Variants in KIAA0586 observed in about 807,000 individuals in gnomAD.
The protein encoded by KIAA0586 is protein TALPID3.
A neutral mutation model predicts 169.8 loss-of-function variants in KIAA0586; 144 were observed. That is an observed-to-expected ratio of 0.85 (90% confidence interval 0.74 to 0.97). KIAA0586 has a LOEUF of 0.97. Among genes scored for constraint, KIAA0586 ranks in the 50% least tolerant of loss-of-function variants. KIAA0586 has a pLI of 0.00. For synonymous variants in KIAA0586, 625 were observed against 612.4 expected (o/e 1.02, Z -0.30); for missense variants, 1,854 against 1,823.0 (o/e 1.02, Z -0.31).
chr14:58,552,837 T>A (rs1347761399), downstream of KIAA0586, among the ~76,000 whole-genome samples: 5 of 152,334 alleles, frequency 3.3e-5, no homozygotes, highest in African/African-American at 1.2e-4. Context: ...TGTAAAGAGT[T>A]GAAAGTGTAT....
chr14:58,455,032 T>A (rs540884583), intron 9 of KIAA0586, among the ~76,000 whole-genome samples: 1 of 152,298 alleles, frequency 6.6e-6, no homozygotes, highest in South Asian at 2.1e-4. Context: ...CTTTCCCCAA[T>A]TATCCTCATA....
chr14:58,493,201 T>G (rs1285114322), intron 26 of KIAA0586, among the ~76,000 whole-genome samples: 1 of 152,048 alleles, frequency 6.6e-6, no homozygotes, highest in African/African-American at 2.4e-5. Flanking sequence ...TTGACAGTAA[T>G]TGGTCATTGG....
chr14:58,512,722 C>G, intron 29 of KIAA0586, 95 bp downstream of exon 29: 1 of 683,992 alleles, frequency 1.5e-6, no homozygotes, highest in Non-Finnish European at 2.4e-6. Context: ...CATCCCACTG[C>G]TCTCTAGGTT....
rs909904459 is a variant in KIAA0586 at position 58,464,326 on chromosome 14, A to G, written c.2060-1509A>G. On this transcript the variant is annotated intron_variant, in intron 14 of 30. Transcript: ENST00000652326. ...CTATATAGTTAGTTTATAAAGGTTT[A>G]TCCCCCAGTTTCTTGAATGTGGTAT... Among the ~76,000 whole-genome samples the G allele has an allele frequency of 1.2e-4, 18 of 148,960 alleles. 1 individual carries two copies. The highest frequency in any genetic ancestry group is 4.2e-4 in the African/African-American group (17 of 40,498).
At position 58,439,933 on chromosome 14, in the gene KIAA0586, A is replaced by T. The variant is rs1328109371; in HGVS notation, c.411-2773A>T. 2.4e-5 allele frequency: 12 copies of T among 498,884 alleles called. No homozygotes were observed. The South Asian group carries it at 5.6e-4, about 23-fold the overall frequency. 30.9% of individuals were successfully genotyped at this position (498,884 alleles called of 1,614,324 possible). On this transcript the variant is annotated intron_variant, in intron 4 of 30. Coordinates refer to ENST00000652326, the MANE Select transcript of KIAA0586 (RefSeq NM_001329943.3). Reference sequence around the variant, plus strand: ...TTCATTGTTTTCTTTGAGGCCAAATACCGAGCAAATTGGCTAGCCTTCTTT... The same window carrying T: ...TTCATTGTTTTCTTTGAGGCCAAATTCCGAGCAAATTGGCTAGCCTTCTTT...
chr14:58,480,587 T>C (rs762138469), intron 20 of KIAA0586, among the ~76,000 whole-genome samples: 13 of 152,116 alleles, frequency 8.5e-5, no homozygotes, highest in Non-Finnish European at 2.9e-5. Flanking sequence ...CATCTCATCT[T>C]TAGTATGTCT....
chr14:58,521,731 A>G, intron 29 of KIAA0586: 1 of 838,508 alleles, frequency 1.2e-6, no homozygotes, highest in Non-Finnish European at 2.1e-6. Flanking sequence ...AAAATTGAAA[A>G]GGAACAGGGG....
chr14:58,461,296 T>A (rs1455588274), intron 14 of KIAA0586, 136 bp downstream of exon 14: 2 of 542,576 alleles, frequency 3.7e-6, no homozygotes, highest in Non-Finnish European at 3.0e-6. Flanking sequence ...GGAAAAATAA[T>A]TCCTCTTAGG....
At position 58,467,863 on chromosome 14, in the gene KIAA0586, A is replaced by G. The variant is rs748581413; in HGVS notation, c.2383A>G (p.Asn795Asp). 42 of 1,613,742 alleles carry G rather than the reference A, an allele frequency of 2.6e-5. No homozygotes were observed. The highest frequency in any genetic ancestry group is 3.1e-5 in the Non-Finnish European group (37 of 1,179,784). The change falls in exon 16 of 31, where the codon AAC becomes GAC. Residue 795 changes from asparagine to aspartate, a missense_variant. By Grantham distance (23) the Asn-to-Asp change is conservative (BLOSUM62 1). Transcript: ENST00000652326. ...AGTAGAAACTGGAGTAAAGAAACCT[A>G]ACATAGCCATTGTAGAAATGAAGTC... ...RKVETGVKKP[N>D]IAIVEMKSEK...
downstream of KIAA0586, among the ~76,000 whole-genome samples, chr14:58,555,664 T>C (rs1415646047): frequency 6.6e-6 from 1 of 152,214 alleles, no homozygotes; most frequent in African/African-American, 2.4e-5. Context: ...TTTGATTCTT[T>C]CATGATGCAA....
At position 58,545,133 on chromosome 14, in the gene KIAA0586, A is replaced by G. The variant is rs182787462; in HGVS notation, c.4496-2648A>G. On this transcript the variant is annotated intron_variant, in intron 30 of 30. Coordinates refer to ENST00000652326, the MANE Select transcript of KIAA0586 (RefSeq NM_001329943.3). The stretch of plus-strand genomic sequence containing the variant: ...ATATAGATGTTTAGTTAGTGCATAT[A>G]TGCTTTTGGAGAAGCCCACTTTAAT... Among the ~76,000 whole-genome samples the G allele has an allele frequency of 5.1e-4, 78 of 152,368 alleles. 1 individual carries two copies. Among genetic ancestry groups the G allele is most frequent in the African/African-American group, 1.8e-3 (76 of 41,596 alleles).
intron 29 of KIAA0586, among the ~76,000 whole-genome samples, chr14:58,514,264 A>T (rs948782029): frequency 1.3e-5 from 2 of 152,052 alleles, no homozygotes; most frequent in African/African-American, 4.8e-5. Context: ...TGCAGAAAAT[A>T]GAAGTCAGAG....
intron 9 of KIAA0586, 70 bp downstream of exon 9, chr14:58,453,543 G>C: frequency 8.9e-7 from 1 of 1,117,504 alleles, no homozygotes; most frequent in Non-Finnish European, 1.2e-6. Context: ...AATTTCTTTG[G>C]GACTTTTAAT....
At chr14:58,466,298 GTTAT>G (rs2040770372) in intron 15 of KIAA0586, among the ~76,000 whole-genome samples, 1 of 152,126 alleles carries the variant, frequency 6.6e-6, no homozygotes, top group Non-Finnish European at 1.5e-5. Flanking sequence ...TCTTGTAAAT[GTTAT>G]TTGTTTTTGT....
At chr14:58,561,339 A>G in the KIAA0586 span, among the ~76,000 whole-genome samples, 1 of 152,242 alleles carries the variant, frequency 6.6e-6, no homozygotes, top group Non-Finnish European at 1.5e-5. Flanking sequence ...TGAAGATTTT[A>G]AAGAAAAAAT....
chr14:58,472,517 C>CT (rs2041305326), intron 18 of KIAA0586, among the ~76,000 whole-genome samples: 1 of 140,662 alleles, frequency 7.1e-6, no homozygotes, highest in Admixed American at 6.9e-5. Flanking sequence ...TAGATTTTGT[C>CT]TATCTGTTTC....
chr14:58,467,580 G>A (rs1011479231), intron 15 of KIAA0586, among the ~76,000 whole-genome samples, 155 bp from the exon 16 acceptor site: 2 of 152,196 alleles, frequency 1.3e-5, no homozygotes, highest in Non-Finnish European at 2.9e-5. Context: ...TGGGTATGGT[G>A]AGTATGTCGA....
chr14:58,484,890 T>TTATATATATATAATATATATATATA, intron 21 of KIAA0586, among the ~76,000 whole-genome samples: 1 of 32,286 alleles, frequency 3.1e-5, no homozygotes, highest in East Asian at 1.1e-3. Flanking sequence ...ATATATATAT[T>TTATATATATATAATATATATATATA]TATATATATA....
chr14:58,552,329 C>G (rs2047217928), downstream of KIAA0586, among the ~76,000 whole-genome samples: 1 of 152,088 alleles, frequency 6.6e-6, no homozygotes, highest in African/African-American at 2.4e-5. Flanking sequence ...GAATCATCAG[C>G]CTGTGTCTGT....
Sources: allele counts gnomAD v4.1 joint callset (sites outside exome capture counted in the v4.1 genomes callset), GRCh38; gene constraint gnomAD v4.1.1; transcripts MANE v1.5; gene names NCBI Gene and HGNC (gene_info 2026-07-23, HGNC 2026-07-21).